PUDP: variants seen among roughly 807,000 people sequenced by gnomAD.
PUDP encodes the protein pseudouridine 5'-phosphatase, also known as pseudouridine-5'-phosphatase.
A neutral mutation model predicts 9.4 loss-of-function variants in PUDP; 8 were observed. That is an observed-to-expected ratio of 0.85 (90% CI 0.50 to 1.53). PUDP has a LOEUF of 1.53. Ranked by LOEUF, PUDP falls within the 40% of genes most tolerant of loss-of-function variation. The probability of loss-of-function intolerance (pLI) is 0.00; values close to 1 mark genes in which losing one functional copy is unlikely to be tolerated. For missense variants in PUDP, 188 were observed against 189.7 expected (o/e 0.99, Z 0.05); for synonymous variants, 99 against 80.7 (o/e 1.23, Z -1.22).
At chrX:6,919,005 C>T (rs182927026) in intron 3 of PUDP, among the ~76,000 whole-genome samples, 47 of 111,983 alleles carry the variant, frequency 4.2e-4, no homozygotes, top group African/African-American at 1.3e-3. Flanking sequence ...TCCATTAATT[C>T]TGCAACACAG....
intron 3 of PUDP, among the ~76,000 whole-genome samples, chrX:6,751,091 A>C (rs766619953): frequency 1.8e-5 from 2 of 109,759 alleles, no homozygotes; most frequent in African/African-American, 6.7e-5. Flanking sequence ...GCAGTGAGCC[A>C]AGATTGTGCC....
In PUDP at chrX:7,147,255, T is replaced by C. The variant is rs757322008; in HGVS notation, c.61+798A>G. ...AGGGGTAGGGTGGGGCCCCAGCTTC[T>C]ACATTTACAAGTAGCCCACAGGTGA... On this transcript the variant is annotated intron_variant, in intron 1 of 3. Transcript: ENST00000381077. Among the ~76,000 whole-genome samples the C allele has an allele frequency of 1.3e-4, 14 of 111,295 alleles. No individual in the cohort carries two copies. In the South Asian group the frequency reaches 5.3e-3, roughly 42 times the overall value.
At chrX:7,066,273 A>C (rs1193124614) in intron 3 of PUDP, among the ~76,000 whole-genome samples, 1 of 111,892 alleles carries the variant, frequency 8.9e-6, no homozygotes, top group Non-Finnish European at 1.9e-5. Context: ...GTTCTTTTAA[A>C]AAGTGTTTCA....
At chrX:7,025,484 A>G (rs751300135) in intron 1 of PUDP, among the ~76,000 whole-genome samples, 49 of 112,352 alleles carry the variant, frequency 4.4e-4, no homozygotes, top group Non-Finnish European at 8.6e-4. Context: ...GGTAGGCAGC[A>G]AAGGGTTATC....
At chrX:7,104,548 G>A (rs1346871462) in intron 2 of PUDP, among the ~76,000 whole-genome samples, 2 of 112,065 alleles carry the variant, frequency 1.8e-5, no homozygotes, top group African/African-American at 6.5e-5. Context: ...AAATTTTAGT[G>A]TGTGTGTCTG....
intron 1 of PUDP, among the ~76,000 whole-genome samples, chrX:6,979,465 A>C (rs1929001679): frequency 8.9e-6 from 1 of 112,436 alleles, no homozygotes; most frequent in African/African-American, 3.2e-5. Context: ...AAAATGAATA[A>C]GCTGCTCCCA....
chrX:7,102,837 A>C (rs771600507), intron 2 of PUDP, among the ~76,000 whole-genome samples: 2 of 111,962 alleles, frequency 1.8e-5, no homozygotes, highest in Admixed American at 9.5e-5. Flanking sequence ...TCCCATTTAT[A>C]ATAGCATCAA....
At chrX:7,007,755 C>T (rs770566905) in intron 1 of PUDP, among the ~76,000 whole-genome samples, 7 of 112,048 alleles carry the variant, frequency 6.2e-5, no homozygotes, top group South Asian at 3.7e-4. Context: ...GCCAGCTCCA[C>T]GACTGATGGC....
chrX:7,136,125 T>A lies in PUDP; in HGVS notation c.61+11928A>T, dbSNP rs753309958. On this transcript the variant is annotated intron_variant, in intron 1 of 3. Transcript: ENST00000381077. ...ATAGTCAACATTTTCAAGGACCCAG[T>A]CCAGGTACCTGGTGGAACATCCTAC... is the stretch of plus-strand genomic sequence containing the variant. 2.7e-5 allele frequency among the ~76,000 whole-genome samples: 3 copies of A among 111,908 alleles called. No homozygotes were observed. The East Asian group carries it at 8.4e-4, about 31-fold the overall frequency.
chrX:7,070,955 A>G (rs1316378566), intron 3 of PUDP, among the ~76,000 whole-genome samples: 4 of 112,267 alleles, frequency 3.6e-5, no homozygotes, highest in African/African-American at 6.5e-5. Context: ...AAGAAGTTCC[A>G]GTTACAGAGG....
intron 3 of PUDP, among the ~76,000 whole-genome samples, chrX:6,959,455 C>G (rs1167363424): frequency 8.9e-6 from 1 of 112,146 alleles, no homozygotes; most frequent in Non-Finnish European, 1.9e-5. Context: ...TGGTGGTGTC[C>G]ACGTGGTGCT....
intron 3 of PUDP, among the ~76,000 whole-genome samples, chrX:6,746,814 C>T (rs1925005834): frequency 2.7e-5 from 3 of 111,365 alleles, no homozygotes; most frequent in Admixed American, 1.9e-4. Flanking sequence ...CCCAGTCTAT[C>T]GTTGATGGGC....
intron 3 of PUDP, among the ~76,000 whole-genome samples, chrX:6,911,963 G>A (rs754947148): frequency 2.5e-4 from 28 of 111,259 alleles, no homozygotes; most frequent in African/African-American, 8.4e-4. Flanking sequence ...TGTTCTGCTT[G>A]ATCAATCATT....
intron 1 of PUDP, among the ~76,000 whole-genome samples, chrX:7,106,517 G>A (rs771061899): frequency 5.3e-5 from 6 of 112,174 alleles, no homozygotes; most frequent in African/African-American, 1.3e-4. Context: ...ACTAATATAC[G>A]CTAGATTACA....
At chrX:6,844,513 G>A (rs1490758976) in intron 3 of PUDP, among the ~76,000 whole-genome samples, 1 of 112,510 alleles carries the variant, frequency 8.9e-6, no homozygotes, top group Admixed American at 9.4e-5. Flanking sequence ...TAGAAGACAT[G>A]AGTCGGAGAC....
chrX:7,145,963 T>A (rs776171195), intron 1 of PUDP, among the ~76,000 whole-genome samples: 1 of 112,364 alleles, frequency 8.9e-6, no homozygotes, highest in South Asian at 3.7e-4. Context: ...ACAGCAGGCA[T>A]AATCTGGTAG....
chrX:6,846,017 G>A (rs990829129), intron 3 of PUDP, among the ~76,000 whole-genome samples: 2 of 112,005 alleles, frequency 1.8e-5, no homozygotes, highest in Non-Finnish European at 3.8e-5. Context: ...GAATCTAATA[G>A]TAAAAATAAG....
chrX:7,045,979 T>C (rs1312137781), downstream of PUDP, among the ~76,000 whole-genome samples: 1 of 112,525 alleles, frequency 8.9e-6, no homozygotes, highest in Non-Finnish European at 1.9e-5. Context: ...GAAAGTCAAA[T>C]ACAGACACTG....
chrX:6,815,256 C>T (rs1926210711), intron 3 of PUDP, among the ~76,000 whole-genome samples: 1 of 110,192 alleles, frequency 9.1e-6, no homozygotes, highest in Non-Finnish European at 1.9e-5. Context: ...CCACATTCTT[C>T]TCTGGAAAAG....
Sources: gnomAD v4.1 joint callset for allele counts (sites outside exome capture counted in the v4.1 genomes callset) on GRCh38, gnomAD v4.1.1 for gene constraint, MANE v1.5 for transcripts, NCBI Gene and HGNC (gene_info 2026-07-23, HGNC 2026-07-21) for gene names.